The following UTY variants were observed in gnomAD, a reference collection of about 807,000 sequenced individuals.
The protein encoded by UTY is ubiquitously transcribed tetratricopeptide repeat containing, Y-linked, also known as histone demethylase UTY.
In UTY, 12 loss-of-function variants were observed where a neutral mutation model predicts 32.5. That is an observed-to-expected ratio of 0.37 (90% CI 0.24 to 0.60). The LOEUF (loss-of-function observed/expected upper bound fraction) is 0.60, where lower values mean the gene tolerates loss of function less well. UTY is among the 20% of genes least tolerant of loss of function. UTY has a pLI of 0.69. For synonymous variants in UTY, 131 were observed against 103.4 expected (o/e 1.27, Z -1.62); for missense variants, 303 against 299.2 (o/e 1.01, Z -0.09).
chrY:13,459,612 T>C (rs904957066), intron 3 of UTY, among the ~76,000 whole-genome samples: 8 of 33,566 alleles, frequency 2.4e-4, no homozygotes, highest in Non-Finnish European at 3.7e-4. Context: ...TTCTGAAGTC[T>C]TAAACACAGG....
chrY:13,451,296 G>A, intron 3 of UTY, among the ~76,000 whole-genome samples: 1 of 32,927 alleles, frequency 3.0e-5, no homozygotes, highest in Non-Finnish European at 7.5e-5. Context: ...AGAGAGAAAC[G>A]GAGAGAAAGA....
Position 13,357,985 on chromosome Y carries a change from T to C in UTY, c.1477-16A>G. On this transcript the variant is annotated splice_polypyrimidine_tract_variant and intron_variant, in intron 14 of 29. Coordinates refer to ENST00000545955, the MANE Select transcript of UTY (RefSeq NM_001258249.2). ...CAGAACCATTCTAAGGAAAATTTAG[T>C]GTAAAAGATTAAGAATATTTGCTTA... 1 of 373,437 alleles carries C rather than the reference T, an allele frequency of 2.7e-6. No homozygotes were observed. Among genetic ancestry groups the C allele is most frequent in the Admixed American group, 7.9e-5 (1 of 12,671 alleles). The allele number at this position is 373,437 out of a possible 400,897, so 93.2% of individuals were successfully genotyped here.
Position 13,380,029 on chromosome Y carries a change from A to ATG in UTY, c.646-10682_646-10681dup, listed in dbSNP as rs1569486958. 7.6e-3 allele frequency among the ~76,000 whole-genome samples: 39 copies of ATG among 5,134 alleles called. No homozygotes were observed. The South Asian group carries it at 0.12, about 16-fold the overall frequency. 13.8% of individuals were successfully genotyped at this position (5,134 alleles called of 37,273 possible). On this transcript the variant is annotated intron_variant, in intron 8 of 29. Transcript: ENST00000545955. ...CACATCTATATATATATATATATAGATGTGTGTGTGTGTGTGTGTGTGTGT... is the reference window on the plus strand; with the variant it reads ...CACATCTATATATATATATATATAGATGTGTGTGTGTGTGTGTGTGTGTGTGT...
intron 24 of UTY, 51 bp downstream of exon 24, chrY:13,305,348 G>A: frequency 2.7e-6 from 1 of 368,149 alleles, no homozygotes; most frequent in Non-Finnish European, 3.9e-6. Flanking sequence ...TGCTCCGCAT[G>A]ATAAACTCAA....
rs867551467 is a variant in UTY, at chrY:13,426,929, C to T, written c.376-12136G>A. Reference sequence around the variant, plus strand: ...AAAAAAAGGACAAATTCAGAAAAGTCGAACACTGTAATTGCGGTAAATAAA... The same window carrying T: ...AAAAAAAGGACAAATTCAGAAAAGTTGAACACTGTAATTGCGGTAAATAAA... On this transcript the variant is annotated intron_variant, in intron 4 of 29. Transcript: ENST00000545955. Among the ~76,000 whole-genome samples, 13 of 33,009 alleles carry T rather than the reference C, an allele frequency of 3.9e-4. No homozygotes were observed. In the Middle Eastern group the frequency reaches 0.059, roughly 149 times the overall value. The allele number at this position is 33,009 out of a possible 37,273, so 88.6% of individuals were successfully genotyped here.
rs1184441519 is a variant in UTY at position 13,336,090 on chromosome Y, A to G, written c.2307T>C (p.Asn769=). Residue 769 remains asparagine, a synonymous_variant, in exon 18 of 30, where the codon AAT becomes AAC. Coordinates refer to ENST00000545955, the MANE Select transcript of UTY (RefSeq NM_001258249.2). ...TGCTTGTTTCAGGCACCAAGGATCT[A>G]TTTTTTGAAGGCTTGCTCTCTTTGG... ...MFTKESKPSK[N]RSLVPETSRH... is the part of the protein sequence containing the mutation. 2.3e-5 allele frequency: 9 copies of G among 396,927 alleles called. No homozygotes were observed. In the Admixed American group the frequency reaches 6.1e-4, roughly 27 times the overall value.
At chrY:13,253,923 GA>G (rs2054418350) in intron 28 of UTY, among the ~76,000 whole-genome samples, 1 of 32,854 alleles carries the variant, frequency 3.0e-5, no homozygotes, top group African/African-American at 1.2e-4. Flanking sequence ...TGATGCCACA[GA>G]ACAGCTTAGA....
chrY:13,298,543 A>G (rs2058197188), intron 26 of UTY, among the ~76,000 whole-genome samples: 1 of 32,458 alleles, frequency 3.1e-5, no homozygotes. Context: ...CCATGAGTTC[A>G]GGAGATCAAG....
At chrY:13,351,045 G>A in intron 17 of UTY, among the ~76,000 whole-genome samples, 1 of 31,853 alleles carries the variant, frequency 3.1e-5, no homozygotes, top group Non-Finnish European at 7.5e-5. Flanking sequence ...TTTTGTCTGT[G>A]GCTTGTCTTG....
At chrY:13,320,391 A>C in intron 21 of UTY, among the ~76,000 whole-genome samples, 1 of 32,602 alleles carries the variant, frequency 3.1e-5, no homozygotes, top group Non-Finnish European at 7.4e-5. Flanking sequence ...GTTGTTTTAT[A>C]ATCAGCTATA....
chrY:13,445,316 T>A, intron 4 of UTY, among the ~76,000 whole-genome samples: 2 of 23,220 alleles, frequency 8.6e-5, no homozygotes, highest in Admixed American at 8.5e-4. Flanking sequence ...CATGACAGAA[T>A]ATACTAAGTA....
chrY:13,249,644 T>C lies in UTY; in HGVS notation c.*212A>G. On this transcript the variant is annotated 3_prime_UTR_variant, in exon 30 of 30. Transcript: ENST00000545955. ...GTTTGTCATACGTACACAAAACATA[T>C]GATTAATATTATTTTTCTGAAGTAC... 1.5e-5 allele frequency: 1 copy of C among 68,558 alleles called. No homozygotes were observed. The highest frequency in any genetic ancestry group is 2.9e-5 in the Non-Finnish European group (1 of 33,970). 17.1% of individuals were successfully genotyped at this position (68,558 alleles called of 400,897 possible). A position where few individuals can be genotyped will look rare whatever the true frequency, so the allele number is the denominator to read the frequency against.
At chrY:13,389,594 T>C (rs2067295866) in intron 8 of UTY, among the ~76,000 whole-genome samples, 2 of 33,713 alleles carry the variant, frequency 5.9e-5, no homozygotes, top group Non-Finnish European at 1.5e-4. Context: ...TTCCACTGTA[T>C]TTTCTTGGAT....
chrY:13,450,811 G>A (rs2076247725), intron 3 of UTY, among the ~76,000 whole-genome samples: 2 of 26,511 alleles, frequency 7.5e-5, no homozygotes, highest in Non-Finnish European at 1.8e-4. Flanking sequence ...ATGACAAAGC[G>A]AGACTCTGTC....
chrY:13,410,409 T>A (rs1292927304), intron 6 of UTY, among the ~76,000 whole-genome samples: 2 of 33,254 alleles, frequency 6.0e-5, no homozygotes, highest in East Asian at 7.8e-4. Context: ...GTAAAAAAAA[T>A]TTGAGAAATC....
intron 27 of UTY, among the ~76,000 whole-genome samples, chrY:13,279,412 G>A (rs774739837): frequency 6.1e-5 from 2 of 33,046 alleles, no homozygotes; most frequent in South Asian, 1.4e-3. Flanking sequence ...GACCATGCCA[G>A]GTAATTTTTT....
intron 21 of UTY, among the ~76,000 whole-genome samples, chrY:13,315,249 A>T: frequency 2.9e-5 from 1 of 34,341 alleles, no homozygotes; most frequent in African/African-American, 1.1e-4. Flanking sequence ...ATATGAAAGG[A>T]CAAATACTTT....
At chrY:13,360,649 C>T in intron 10 of UTY, 121 bp from the exon 11 acceptor site, 1 of 145,860 alleles carries the variant, frequency 6.9e-6, no homozygotes, top group Non-Finnish European at 1.3e-5. Flanking sequence ...AATATGATTA[C>T]TGATGTACTT....
At position 13,345,253 on chromosome Y, in the gene UTY, A is replaced by G. The variant is rs748407051; in HGVS notation, c.2062-8918T>C. On this transcript the variant is annotated intron_variant, in intron 17 of 29. Coordinates refer to ENST00000545955, the MANE Select transcript of UTY (RefSeq NM_001258249.2). ...CCCGCGGCCAGTCAACAAAACCCAGACTACCCAAAACAGTTGATCCTGCGG... is the reference window on the plus strand; with the variant it reads ...CCCGCGGCCAGTCAACAAAACCCAGGCTACCCAAAACAGTTGATCCTGCGG... Among the ~76,000 whole-genome samples the G allele has an allele frequency of 1.4e-3, 45 of 32,997 alleles. No individual in the cohort carries two copies. The South Asian group carries it at 0.025, about 19-fold the overall frequency. 88.5% of individuals were successfully genotyped at this position (32,997 alleles called of 37,273 possible).
Sources: allele counts gnomAD v4.1 joint callset (sites outside exome capture counted in the v4.1 genomes callset), GRCh38; gene constraint gnomAD v4.1.1; transcripts MANE v1.5; gene names NCBI Gene and HGNC (gene_info 2026-07-23, HGNC 2026-07-21).